The following SIK3 variants were observed in gnomAD, a reference collection of about 807,000 sequenced individuals.
SIK3 encodes SIK family kinase 3.
A neutral mutation model predicts 144.2 loss-of-function variants in SIK3; 28 were observed. That is an observed-to-expected ratio of 0.19 (90% CI 0.14 to 0.27). The LOEUF (loss-of-function observed/expected upper bound fraction) is 0.27. SIK3 is among the 10% of genes least tolerant of loss of function. SIK3 has a pLI of 1.00. For synonymous variants in SIK3, 686 were observed against 676.3 expected, an observed-to-expected ratio of 1.01 and a Z score of -0.22; for missense variants, 1,319 against 1,776.0, an observed-to-expected ratio of 0.74 and a Z score of 4.62.
At chr11:117,051,523 T>A (rs940992802) in intron 1 of SIK3, among the ~76,000 whole-genome samples, 1 of 151,948 alleles carries the variant, frequency 6.6e-6, no homozygotes, top group African/African-American at 2.4e-5. Context: ...GTTTTGGGGT[T>A]TTTTTCCTTG....
intron 1 of SIK3, among the ~76,000 whole-genome samples, chr11:117,074,502 C>T (rs1277250421): frequency 6.6e-6 from 1 of 152,176 alleles, no homozygotes; most frequent in Non-Finnish European, 1.5e-5. Context: ...CATTTATGAA[C>T]ATGTTCTATA....
intron 6 of SIK3, among the ~76,000 whole-genome samples, chr11:116,886,759 A>AT: frequency 6.6e-6 from 1 of 150,472 alleles, no homozygotes; most frequent in Non-Finnish European, 1.5e-5. Context: ...TGTTAAAAAA[A>AT]TATATTGAAT....
At chr11:116,884,314 G>C (rs952266016) in intron 6 of SIK3, among the ~76,000 whole-genome samples, 2 of 148,870 alleles carry the variant, frequency 1.3e-5, no homozygotes, top group Non-Finnish European at 3.0e-5. Flanking sequence ...AGCTTCTCCA[G>C]TAGCTGAGAC....
At chr11:116,954,258 A>C in intron 2 of SIK3, 151 bp from the exon 3 acceptor site, 3 of 630,006 alleles carry the variant, frequency 4.8e-6, no homozygotes, top group Non-Finnish European at 2.7e-6. Context: ...AACAAATATA[A>C]ATGTTATTAA....
intron 4 of SIK3, among the ~76,000 whole-genome samples, chr11:116,911,569 G>A (rs1007873094): frequency 3.3e-5 from 5 of 151,984 alleles, no homozygotes; most frequent in African/African-American, 1.2e-4. Context: ...TAAATACACT[G>A]ATTATAAGTA....
intron 1 of SIK3, among the ~76,000 whole-genome samples, chr11:116,991,378 C>G (rs962109630): frequency 2.0e-5 from 3 of 152,128 alleles, no homozygotes; most frequent in Non-Finnish European, 4.4e-5. Flanking sequence ...ACCCGGGAGG[C>G]GAAGGTTGCA....
At chr11:116,885,640 C>T (rs921316767) in intron 6 of SIK3, among the ~76,000 whole-genome samples, 2 of 152,186 alleles carry the variant, frequency 1.3e-5, no homozygotes, top group African/African-American at 2.4e-5. Context: ...TCCTGCTACT[C>T]GTTTTTCAGT....
At chr11:117,071,606 G>GA (rs1299349945) in intron 1 of SIK3, among the ~76,000 whole-genome samples, 2 of 152,094 alleles carry the variant, frequency 1.3e-5, no homozygotes, top group African/African-American at 2.4e-5. Flanking sequence ...GGGGAAAAGA[G>GA]AAATTCCAAG....
chr11:116,979,420 G>A (rs1361198619), intron 1 of SIK3, among the ~76,000 whole-genome samples: 2 of 151,514 alleles, frequency 1.3e-5, no homozygotes, highest in African/African-American at 2.4e-5. Flanking sequence ...TTCCCAAGTT[G>A]TGGCTCACCT....
At chr11:116,882,657 T>C (rs1166032981) in intron 6 of SIK3, among the ~76,000 whole-genome samples, 1 of 152,130 alleles carries the variant, frequency 6.6e-6, no homozygotes, top group African/African-American at 2.4e-5. Context: ...AAGGCTTTCT[T>C]GCAGGCAAGA....
At chr11:117,053,312 G>A (rs145157357) in intron 1 of SIK3, among the ~76,000 whole-genome samples, 32 of 151,472 alleles carry the variant, frequency 2.1e-4, no homozygotes, top group African/African-American at 7.3e-4. Context: ...ACTCCAGCCT[G>A]GGCAACAGAG....
At chr11:116,962,393 T>G (rs1264511306) in intron 1 of SIK3, among the ~76,000 whole-genome samples, 1 of 152,204 alleles carries the variant, frequency 6.6e-6, no homozygotes, top group Non-Finnish European at 1.5e-5. Context: ...AAGAATATAG[T>G]GAGCAGACTG....
chr11:116,980,059 G>C (rs1029300245), intron 1 of SIK3, among the ~76,000 whole-genome samples: 15 of 152,018 alleles, frequency 9.9e-5, no homozygotes, highest in African/African-American at 3.4e-4. Context: ...ACTCTACTCT[G>C]TATCCTCTTT....
chr11:116,860,192 C>A (rs1211642915), intron 19 of SIK3, among the ~76,000 whole-genome samples: 3 of 150,782 alleles, frequency 2.0e-5, no homozygotes, highest in African/African-American at 7.3e-5. Context: ...TGCAGTGAGC[C>A]GAGATCATAC....
At chr11:117,035,839 T>G in intron 1 of SIK3, 4 of 1,578,496 alleles carry the variant, frequency 2.5e-6, no homozygotes, top group Non-Finnish European at 3.4e-6. Context: ...CTGTAAGCCT[T>G]GCTTTTCCTC....
chr11:117,016,160 T>C (rs1412577073), intron 1 of SIK3, among the ~76,000 whole-genome samples: 2 of 151,450 alleles, frequency 1.3e-5, no homozygotes, highest in East Asian at 2.0e-4. Context: ...ACCCCGTCTT[T>C]ACAAAAAATA....
chr11:116,985,005 T>C (rs775022380), intron 1 of SIK3, among the ~76,000 whole-genome samples: 12 of 152,222 alleles, frequency 7.9e-5, no homozygotes, highest in Non-Finnish European at 1.5e-4. Flanking sequence ...TTGGAAAAGT[T>C]TTCTATGTGT....
At chr11:117,079,045 G>T (rs899485407) in intron 1 of SIK3, among the ~76,000 whole-genome samples, 3 of 151,588 alleles carry the variant, frequency 2.0e-5, no homozygotes, top group Non-Finnish European at 4.4e-5. Flanking sequence ...TTTCTGCTTT[G>T]CAGGCTGACT....
Position 116,875,855 on chromosome 11 carries a change from T to A in SIK3, c.1239+11A>T. ...CTTGTCCTGAACTAGGTCACTGGAGTTATTGCCCACCTGGATATTGACTGG... is the reference window on the plus strand; with the variant it reads ...CTTGTCCTGAACTAGGTCACTGGAGATATTGCCCACCTGGATATTGACTGG... On this transcript the variant is annotated intron_variant, in intron 9 of 24. Transcript: ENST00000445177. 1 of 1,596,454 alleles carries A rather than the reference T, an allele frequency of 6.3e-7. No individual in the cohort carries two copies.
Sources: allele counts gnomAD v4.1 joint callset (sites outside exome capture counted in the v4.1 genomes callset), GRCh38; gene constraint gnomAD v4.1.1; transcripts MANE v1.5; gene names NCBI Gene and HGNC (gene_info 2026-07-23, HGNC 2026-07-21).